PRELID2: variants seen among roughly 807,000 people sequenced by gnomAD.
PRELID2 encodes PRELI domain containing 2, also known as PRELI domain-containing protein 2.
A neutral mutation model predicts 28.4 loss-of-function variants in PRELID2; 25 were observed. That is an observed-to-expected ratio of 0.88 (90% CI 0.64 to 1.23). The LOEUF is 1.23. PRELID2 is among the 50% of genes most tolerant of loss of function. The pLI, the probability that PRELID2 is intolerant of heterozygous loss-of-function variation, is 0.00. For synonymous variants in PRELID2, 76 were observed against 71.6 expected (o/e 1.06, Z -0.31); for missense variants, 201 against 214.4 (o/e 0.94, Z 0.39).
Position 145,549,274 on chromosome 5 carries a change from T to C in PRELID2, n.71-75959A>G, listed in dbSNP as rs569931846. 3.3e-5 allele frequency among the ~76,000 whole-genome samples: 5 copies of C among 152,294 alleles called. No individual in the cohort carries two copies. In the South Asian group the frequency reaches 1.0e-3, roughly 32 times the overall value. On this transcript the variant is annotated intron_variant and non_coding_transcript_variant, in intron 1 of 2. Transcript: ENST00000510259. ...TTTTATTAATTTTAATATCCCTACC[T>C]CTTAGGATAGTTTCTGGGACAAAGA...
chr5:145,316,250 G>A, the PRELID2 span, among the ~76,000 whole-genome samples: 2 of 152,162 alleles, frequency 1.3e-5, no homozygotes, highest in South Asian at 2.1e-4. Flanking sequence ...ACTTTAAAAT[G>A]TTTTGTAACA....
intron 1 of PRELID2, among the ~76,000 whole-genome samples, chr5:145,705,972 T>C (rs866107446): frequency 4.3e-5 from 5 of 116,814 alleles, no homozygotes; most frequent in East Asian, 5.3e-4. Flanking sequence ...ACACACACAC[T>C]CCCCACAAAT....
intron 1 of PRELID2, among the ~76,000 whole-genome samples, chr5:145,602,726 G>T (rs1580995602): frequency 6.6e-6 from 1 of 151,826 alleles, no homozygotes; most frequent in Non-Finnish European, 1.5e-5. Flanking sequence ...CAATGGATAG[G>T]TTTAAGACCA....
At chr5:145,254,931 A>G in the PRELID2 span, among the ~76,000 whole-genome samples, 1 of 149,182 alleles carries the variant, frequency 6.7e-6, no homozygotes, top group Non-Finnish European at 1.5e-5. Context: ...AAAAAAAAAA[A>G]TGACTCCACC....
At chr5:145,314,619 T>C in the PRELID2 span, among the ~76,000 whole-genome samples, 2 of 152,026 alleles carry the variant, frequency 1.3e-5, no homozygotes, top group African/African-American at 4.8e-5. Flanking sequence ...ATATAAATAA[T>C]ATAATATCCT....
intron 1 of PRELID2, among the ~76,000 whole-genome samples, chr5:145,589,508 C>G (rs1028804776): frequency 2.6e-5 from 4 of 152,112 alleles, no homozygotes; most frequent in African/African-American, 9.7e-5. Context: ...TAAGTCACAT[C>G]ACTTTCTTTG....
At chr5:145,627,393 GTACCC>G (rs1753864284) in intron 1 of PRELID2, among the ~76,000 whole-genome samples, 1 of 151,966 alleles carries the variant, frequency 6.6e-6, no homozygotes, top group South Asian at 2.1e-4. Context: ...TGGGTACAAT[GTACCC>G]TATTCAGATG....
At chr5:145,542,572 G>A (rs1330935278) in intron 1 of PRELID2, among the ~76,000 whole-genome samples, 1 of 152,072 alleles carries the variant, frequency 6.6e-6, no homozygotes, top group East Asian at 1.9e-4. Context: ...AATGAATAAA[G>A]ATTTTGACAG....
chr5:145,619,582 CTT>C (rs1753746775), intron 1 of PRELID2, among the ~76,000 whole-genome samples: 1 of 152,180 alleles, frequency 6.6e-6, no homozygotes, highest in Non-Finnish European at 1.5e-5. Flanking sequence ...GAGCAGTCTG[CTT>C]CCTTCAGAGA....
intron 6 of PRELID2, among the ~76,000 whole-genome samples, chr5:145,762,890 C>T (rs941170521): frequency 1.3e-5 from 2 of 152,198 alleles, no homozygotes; most frequent in African/African-American, 4.8e-5. Context: ...TTTCATCTGT[C>T]TCCACCCAAA....
intron 1 of PRELID2, among the ~76,000 whole-genome samples, chr5:145,682,641 C>T (rs1468863077): frequency 1.3e-5 from 2 of 152,170 alleles, no homozygotes; most frequent in Admixed American, 6.5e-5. Context: ...GAATGCCAGA[C>T]CAGGCAGGGC....
intron 1 of PRELID2, among the ~76,000 whole-genome samples, chr5:145,518,242 C>A (rs1752536112): frequency 6.6e-6 from 1 of 151,846 alleles, no homozygotes; most frequent in African/African-American, 2.4e-5. Context: ...CTCTGTCACC[C>A]AGGTTGGAGT....
chr5:145,728,783 G>A (rs1296163604), intron 1 of PRELID2: 3 of 1,187,048 alleles, frequency 2.5e-6, no homozygotes, highest in African/African-American at 3.0e-5. Flanking sequence ...CAATGTAGTA[G>A]GAGTAGAAGT....
the PRELID2 span, among the ~76,000 whole-genome samples, chr5:145,337,722 T>TATATATAC: frequency 9.2e-5 from 3 of 32,484 alleles, no homozygotes; most frequent in Non-Finnish European, 1.6e-4. Context: ...TATATATATA[T>TATATATAC]ATATATATAC....
chr5:145,394,593 TA>T, the PRELID2 span, among the ~76,000 whole-genome samples: 1 of 152,022 alleles, frequency 6.6e-6, no homozygotes, highest in African/African-American at 2.4e-5. Flanking sequence ...AATAATAAAA[TA>T]AAGTAAAATA....
chr5:145,339,750 T>A, the PRELID2 span, among the ~76,000 whole-genome samples: 1 of 152,166 alleles, frequency 6.6e-6, no homozygotes, highest in Non-Finnish European at 1.5e-5. Context: ...CTGCTCCCGC[T>A]GCTCCAGCTG....
the PRELID2 span, among the ~76,000 whole-genome samples, chr5:145,408,289 C>T: frequency 2.0e-5 from 3 of 151,456 alleles, no homozygotes; most frequent in Non-Finnish European, 2.9e-5. Flanking sequence ...GCAATGGATA[C>T]AAACTAAGAA....
At chr5:145,534,410 T>A (rs190445622) in intron 1 of PRELID2, among the ~76,000 whole-genome samples, 1 of 152,148 alleles carries the variant, frequency 6.6e-6, no homozygotes, top group African/African-American at 2.4e-5. Context: ...CTTTTACCTT[T>A]TAATAGGTAT....
chr5:145,808,317 C>G (rs1011706488), intron 4 of PRELID2, among the ~76,000 whole-genome samples: 1 of 151,954 alleles, frequency 6.6e-6, no homozygotes, highest in South Asian at 2.1e-4. Flanking sequence ...TAAAAACACA[C>G]AGAAGTCACC....
Sources: allele counts gnomAD v4.1 joint callset (sites outside exome capture counted in the v4.1 genomes callset), GRCh38; gene constraint gnomAD v4.1.1; transcripts MANE v1.5; gene names NCBI Gene and HGNC (gene_info 2026-07-23, HGNC 2026-07-21).